Variants in ESAM observed in about 807,000 individuals in gnomAD.
The protein encoded by ESAM is endothelial cell-selective adhesion molecule.
Under a neutral mutation model 31.8 loss-of-function variants are expected in ESAM, and 23 were observed. The ratio of observed to expected loss-of-function variants is 0.72; its 90% CI spans 0.52 to 1.03. ESAM has a LOEUF of 1.03. Among genes scored for constraint, ESAM ranks in the 50% least tolerant of loss-of-function variants. ESAM has a pLI of 0.00. For missense variants in ESAM, 478 were observed against 488.9 expected (o/e 0.98, Z 0.21); for synonymous variants, 216 against 207.2 (o/e 1.04, Z -0.37).
Position 124,754,714 on chromosome 11 carries a change from A to T in ESAM, c.657T>A (p.Ala219=). 1 of 1,614,156 alleles carries T rather than the reference A, an allele frequency of 6.2e-7. No homozygotes were observed. The highest frequency in any genetic ancestry group is 8.5e-7 in the Non-Finnish European group (1 of 1,180,022). ...LSLTNLSSSM[A]GVYVCKAHNE... is the part of the protein sequence containing the mutation. ...TGTGGGCCTTGCAGACATAGACTCC[A>T]GCCATGGAAGACGAAAGGTTGGTGA... is the stretch of plus-strand genomic sequence containing the variant. The change falls in exon 5 of 7, where the codon GCT becomes GCA. Residue 219 remains alanine, a synonymous_variant. Transcript: ENST00000278927. This position sits in a 1 kb window ranked among gnomAD's most constrained non-coding sequence, Gnocchi z 4.5.
chr11:124,759,874 G>C lies in ESAM; in HGVS notation c.71-1347C>G, dbSNP rs1037495567. Among the ~76,000 whole-genome samples the C allele has an allele frequency of 6.6e-6, 1 of 152,234 alleles. No individual in the cohort carries two copies. Among genetic ancestry groups the C allele is most frequent in the African/African-American group, 2.4e-5 (1 of 41,472 alleles). ...CAATCCCCGCCTCAAGGAGCTGGAC[G>C]CCCCCTGGGGACCCGGCCCGCTGGC... On this transcript the variant is annotated intron_variant, in intron 1 of 6. Coordinates refer to ENST00000278927, the MANE Select transcript of ESAM (RefSeq NM_138961.3). The surrounding 1 kb of genome is among the most constrained non-coding windows in gnomAD (Gnocchi z 6.8).
In ESAM at chr11:124,756,702, C is replaced by T. The variant is rs964941185; in HGVS notation, c.290G>A (p.Gly97Glu). 3 of 1,614,138 alleles carry T rather than the reference C, an allele frequency of 1.9e-6. No homozygotes were observed. The highest frequency in any genetic ancestry group is 1.7e-6 in the Non-Finnish European group (2 of 1,180,036). Residue 97 changes from glycine (G) to glutamate (E), a missense_variant, in exon 3 of 7, where the codon GGA becomes GAA. Physicochemically the swap from Gly to Glu is moderately conservative, Grantham distance 98. Transcript: ENST00000278927. ...GGGCATGGAGTAGACCAAGGATACT[C>T]CAGGTTTGCTTGTTGTGACCCCATT... is the stretch of plus-strand genomic sequence containing the variant. ...YINGVTTSKP[G>E]VSLVYSMPSR...
In ESAM at chr11:124,753,578, C is replaced by G. The variant is rs954200691; in HGVS notation, c.*68G>C. 4 of 1,565,556 alleles carry G rather than the reference C, an allele frequency of 2.6e-6. No individual in the cohort carries two copies. The highest frequency in any genetic ancestry group is 2.7e-5 in the African/African-American group (2 of 74,146). On this transcript the variant is annotated 3_prime_UTR_variant, in exon 7 of 7. Transcript: ENST00000278927. ...TGACTCTTTCCCATGACTCAGGCCT[C>G]TGTGCTAGAGGTGACCCTTATAGGA... is the stretch of plus-strand genomic sequence containing the variant.
intron 1 of ESAM, 102 bp downstream of exon 1, chr11:124,761,983 G>T: frequency 9.6e-7 from 1 of 1,044,692 alleles, no homozygotes; most frequent in Non-Finnish European, 1.4e-6. Flanking sequence ...AGGAGGGCGA[G>T]TCGTGGGACC....
intron 2 of ESAM, among the ~76,000 whole-genome samples, chr11:124,757,806 T>C (rs1944174232): frequency 6.6e-6 from 1 of 151,268 alleles, no homozygotes; most frequent in Non-Finnish European, 1.5e-5. Context: ...CAAGCAATTC[T>C]CTTGCCTCAG....
In ESAM at chr11:124,756,440, G is replaced by A. The variant is rs572609409; in HGVS notation, c.452-78C>T. The A allele has an allele frequency of 1.0e-4, 164 of 1,579,244 alleles. 2 individuals carry two copies. In the South Asian group the frequency reaches 1.2e-3, roughly 11 times the overall value. On this transcript the variant is annotated intron_variant, in intron 3 of 6. Transcript: ENST00000278927. ...TCCCTCTGCCCTGCACCCTTCTGTC[G>A]CTTCATTTGTTCCTCCTCCAACTTT...
At chr11:124,758,921 A>C (rs1318300025) in intron 1 of ESAM, among the ~76,000 whole-genome samples, 1 of 152,122 alleles carries the variant, frequency 6.6e-6, no homozygotes, top group Admixed American at 6.5e-5. Flanking sequence ...TTGCTTCCCT[A>C]GTTTTCCTGA....
rs79525808 is a variant in ESAM, at chr11:124,754,823, A to T, written c.608-60T>A. On this transcript the variant is annotated intron_variant, in intron 4 of 6. Transcript: ENST00000278927. This position sits in a 1 kb window ranked among gnomAD's most constrained non-coding sequence, Gnocchi z 4.5. ...CTCTTTCCCATTAAAAAAAAAAAAA[A>T]ATCTTGTCCCTCCTCTGGAATGTCC... 2 of 1,519,706 alleles carry T rather than the reference A, an allele frequency of 1.3e-6. No individual in the cohort carries two copies. The highest frequency in any genetic ancestry group is 8.8e-7 in the Non-Finnish European group (1 of 1,133,962). The allele number at this position is 1,519,706 out of a possible 1,614,324, so 94.1% of individuals were successfully genotyped here.
At chr11:124,757,060 T>G (rs1303034922) in intron 2 of ESAM, 1 of 287,094 alleles carries the variant, frequency 3.5e-6, no homozygotes, top group Non-Finnish European at 6.6e-6. Context: ...ACTGCTGGGG[T>G]GGATCCAGGT....
chr11:124,761,536 G>T (rs1360140173), intron 1 of ESAM, among the ~76,000 whole-genome samples: 1 of 152,024 alleles, frequency 6.6e-6, no homozygotes, highest in Admixed American at 6.6e-5. Context: ...ATGACCTCAC[G>T]GTCGTCCTTT....
rs914334493 is a variant in ESAM, at chr11:124,759,779, T to G, written c.71-1252A>C. 6.6e-6 allele frequency among the ~76,000 whole-genome samples: 1 copy of G among 151,828 alleles called. No homozygotes were observed. The highest frequency in any genetic ancestry group is 2.4e-5 in the African/African-American group (1 of 41,308). On this transcript the variant is annotated intron_variant, in intron 1 of 6. Transcript: ENST00000278927. The surrounding 1 kb of genome is among the most constrained non-coding windows in gnomAD (Gnocchi z 6.8). ...GGATCTCTGTGGTCTGGGCAGGAAATTTGTACCCAGTGATAAGGCAGAAGA... is the reference window on the plus strand; with the variant it reads ...GGATCTCTGTGGTCTGGGCAGGAAAGTTGTACCCAGTGATAAGGCAGAAGA...
intron 1 of ESAM, among the ~76,000 whole-genome samples, chr11:124,761,336 TACA>T (rs1436165069): frequency 1.3e-5 from 2 of 152,182 alleles, no homozygotes; most frequent in African/African-American, 4.8e-5. Context: ...CCTGGAGGCC[TACA>T]ACACTTCCCA....
intron 1 of ESAM, among the ~76,000 whole-genome samples, chr11:124,761,364 G>C (rs1278906038): frequency 6.6e-6 from 1 of 152,192 alleles, no homozygotes; most frequent in African/African-American, 2.4e-5. Flanking sequence ...CTTGCTCCAA[G>C]GAGGTTCCCT....
At chr11:124,757,521 G>A (rs894869094) in intron 2 of ESAM, 2 of 152,260 alleles carry the variant, frequency 1.3e-5, no homozygotes, top group Admixed American at 6.5e-5. Flanking sequence ...GTATTTGGAT[G>A]TAAGCCCGGT....
At position 124,756,560 on chromosome 11, in the gene ESAM, G is replaced by C. The variant is rs1345930405; in HGVS notation, c.432C>G (p.Thr144=). Residue 144 remains threonine (T), a synonymous_variant, in exon 3 of 7, where the codon ACC becomes ACG. Coordinates refer to ENST00000278927, the MANE Select transcript of ESAM (RefSeq NM_138961.3). ...ACTCACCCAGTACATTGAGTTCTAA[G>C]GTTTTGATGCTGTGGCCCCTAGATT... ...QGKSRGHSIK[T]LELNVLVPPA... The C allele has an allele frequency of 6.2e-7, 1 of 1,614,082 alleles. No individual in the cohort carries two copies. The highest frequency in any genetic ancestry group is 2.2e-5 in the East Asian group (1 of 44,878).
rs757971331 is a variant in ESAM, at chr11:124,758,403, T to C, written c.195A>G (p.Pro65=). ...ACCACATCACAAAGGGCACCTCCCA[T>C]GGCTGGGATGAAGACACCTCCCCGT... ...TLHGEVSSSQ[P]WEVPFVMWFF... Residue 65 remains proline (P), a synonymous_variant, in exon 2 of 7, where the codon CCA becomes CCG. Transcript: ENST00000278927. 6.2e-7 allele frequency: 1 copy of C among 1,614,152 alleles called. No individual in the cohort carries two copies. Among genetic ancestry groups the C allele is most frequent in the South Asian group, 1.1e-5 (1 of 91,086 alleles).
rs1389539067 is a variant in ESAM, at chr11:124,759,970, C to T, written c.71-1443G>A. 6.6e-6 allele frequency among the ~76,000 whole-genome samples: 1 copy of T among 152,240 alleles called. No homozygotes were observed. Among genetic ancestry groups the T allele is most frequent in the Non-Finnish European group, 1.5e-5 (1 of 68,044 alleles). On this transcript the variant is annotated intron_variant, in intron 1 of 6. Coordinates refer to ENST00000278927, the MANE Select transcript of ESAM (RefSeq NM_138961.3). This position sits in a 1 kb window ranked among gnomAD's most constrained non-coding sequence, Gnocchi z 6.8. The stretch of plus-strand genomic sequence containing the variant: ...GCTCTCCCCCAGCCTTTCTACGACA[C>T]ACACCCGGCGGCCAGAAAGGGTTTC...
At chr11:124,760,520 A>G (rs944088773) in intron 1 of ESAM, among the ~76,000 whole-genome samples, 7 of 152,244 alleles carry the variant, frequency 4.6e-5, no homozygotes, top group African/African-American at 1.7e-4. Context: ...TGAGCCGCCG[A>G]GGAGCCTACT....
Position 124,754,091 on chromosome 11 carries a change from T to A in ESAM, c.857+123A>T, listed in dbSNP as rs1944126075. 6.4e-7 allele frequency: 1 copy of A among 1,551,596 alleles called. No homozygotes were observed. The highest frequency in any genetic ancestry group is 1.2e-5 in the South Asian group (1 of 80,980). ...ACTCCTTTCCCTCTCCCTTAAAACC[T>A]GCCCATAGGAATGATGTTTCAGCCA... On this transcript the variant is annotated intron_variant, in intron 6 of 6. Coordinates refer to ENST00000278927, the MANE Select transcript of ESAM (RefSeq NM_138961.3). This position sits in a 1 kb window ranked among gnomAD's most constrained non-coding sequence, Gnocchi z 4.5.
Sources: gnomAD v4.1 joint callset for allele counts (sites outside exome capture counted in the v4.1 genomes callset) on GRCh38, gnomAD v4.1.1 for gene constraint, Gnocchi (gnomAD v3.1) non-coding constraint, MANE v1.5 for transcripts, NCBI Gene and HGNC (gene_info 2026-07-23, HGNC 2026-07-21) for gene names.